The following PBX3 variants were observed in gnomAD, a reference collection of about 807,000 sequenced individuals.
PBX3 encodes PBX homeobox 3.
In PBX3, 14 loss-of-function variants were observed where a neutral mutation model predicts 48.5. The observed-to-expected ratio is 0.29, with a 90% confidence interval of 0.19 to 0.45. The LOEUF (loss-of-function observed/expected upper bound fraction) is 0.45. PBX3 is among the 20% of genes least tolerant of loss of function. The pLI is 1.00. For synonymous variants in PBX3, 210 were observed against 200.3 expected (o/e 1.05, Z -0.41); for missense variants, 386 against 546.7 (o/e 0.71, Z 2.93).
intron 2 of PBX3, among the ~76,000 whole-genome samples, chr9:125,841,503 C>G (rs1157903179): frequency 1.3e-5 from 2 of 152,126 alleles, no homozygotes; most frequent in African/African-American, 4.8e-5. Flanking sequence ...GTAACTGTTG[C>G]AACAGGACAT....
intron 2 of PBX3, among the ~76,000 whole-genome samples, chr9:125,876,825 C>T (rs1489427368): frequency 1.5e-5 from 2 of 135,280 alleles, no homozygotes. Context: ...TTTTTTGAGA[C>T]GAAGGCTGGA....
At chr9:125,838,695 T>C (rs1055268510) in intron 2 of PBX3, among the ~76,000 whole-genome samples, 1 of 152,244 alleles carries the variant, frequency 6.6e-6, no homozygotes, top group Admixed American at 6.5e-5. Flanking sequence ...TGGTTTCTGC[T>C]AATGTCAAGT....
At chr9:125,858,621 C>CA (rs1554720816) in intron 2 of PBX3, among the ~76,000 whole-genome samples, 4 of 78,872 alleles carry the variant, frequency 5.1e-5, no homozygotes, top group Non-Finnish European at 8.4e-5. Flanking sequence ...GACTTTGGTC[C>CA]ATTTTTTTTT....
chr9:125,804,542 C>T (rs1838061590), intron 2 of PBX3, among the ~76,000 whole-genome samples: 1 of 152,196 alleles, frequency 6.6e-6, no homozygotes, highest in Admixed American at 6.5e-5. Context: ...AAATCTCCTT[C>T]TGTCCCATCT....
chr9:125,793,366 A>AAAAAATATATATATATATAT (rs59271982), intron 2 of PBX3, among the ~76,000 whole-genome samples: 5 of 101,976 alleles, frequency 4.9e-5, no homozygotes, highest in African/African-American at 2.1e-4. Context: ...GGAAAAAAAA[A>AAAAAATATATATATATATAT]ATATATATAT....
At chr9:125,769,747 T>A (rs59384821) in intron 2 of PBX3, among the ~76,000 whole-genome samples, 2,854 of 152,312 alleles carry the variant, frequency 0.019, 108 homozygotes, top group African/African-American at 0.065. Context: ...GATCATAGTT[T>A]TCCATACAGA....
chr9:125,892,640 T>C (rs1169365532), intron 2 of PBX3, among the ~76,000 whole-genome samples: 1 of 152,198 alleles, frequency 6.6e-6, no homozygotes, highest in Non-Finnish European at 1.5e-5. Context: ...TTCCTTTTGG[T>C]ATAAAATATG....
At chr9:125,823,995 G>C (rs1188345874) in intron 2 of PBX3, among the ~76,000 whole-genome samples, 2 of 151,548 alleles carry the variant, frequency 1.3e-5, no homozygotes, top group Non-Finnish European at 2.9e-5. Context: ...AGAATTGCTT[G>C]AACCTGGGAG....
At chr9:125,826,635 A>G in intron 2 of PBX3, among the ~76,000 whole-genome samples, 1 of 152,196 alleles carries the variant, frequency 6.6e-6, no homozygotes, top group South Asian at 2.1e-4. Flanking sequence ...TTTGAAAAAT[A>G]TAATAAAGGT....
rs1315275138 is a variant in PBX3 at position 125,819,819 on chromosome 9, T to G, written c.274+71196T>G. Among the ~76,000 whole-genome samples the G allele has an allele frequency of 2.0e-5, 3 of 152,206 alleles. No homozygotes were observed. The East Asian group carries it at 5.8e-4, about 29-fold the overall frequency. ...AATCTTTTAATACGAAAACTTAGAA[T>G]ATGAAATAGCAAAATACTACAAAAG... On this transcript the variant is annotated intron_variant, in intron 2 of 8. Coordinates refer to ENST00000373489, the MANE Select transcript of PBX3 (RefSeq NM_006195.6).
intron 5 of PBX3, among the ~76,000 whole-genome samples, chr9:125,951,341 CT>C: frequency 6.6e-6 from 1 of 152,250 alleles, no homozygotes. Context: ...TCTTGGTCTT[CT>C]GTGGTAGGAA....
chr9:125,821,035 C>T (rs1263824643), intron 2 of PBX3, among the ~76,000 whole-genome samples: 1 of 152,018 alleles, frequency 6.6e-6, no homozygotes, highest in African/African-American at 2.4e-5. Context: ...AACTTATAGC[C>T]AAAATATTGA....
chr9:125,935,719 A>G, intron 5 of PBX3, 112 bp downstream of exon 5: 1 of 1,062,806 alleles, frequency 9.4e-7, no homozygotes, highest in Non-Finnish European at 1.3e-6. Flanking sequence ...ATCAAAAAAG[A>G]TATAAGGAAA....
At chr9:125,805,671 C>T (rs142718933) in intron 2 of PBX3, among the ~76,000 whole-genome samples, 178 of 152,184 alleles carry the variant, frequency 1.2e-3, no homozygotes, top group African/African-American at 4.1e-3. Flanking sequence ...AGGAAGGAGT[C>T]AAGAATGAAT....
chr9:125,957,686 A>G (rs938244571), intron 5 of PBX3, among the ~76,000 whole-genome samples: 1 of 152,228 alleles, frequency 6.6e-6, no homozygotes, highest in Non-Finnish European at 1.5e-5. Context: ...TATTAACTAC[A>G]AAGTACTGAA....
chr9:125,864,585 A>T (rs756313443), intron 2 of PBX3, among the ~76,000 whole-genome samples: 2 of 152,206 alleles, frequency 1.3e-5, no homozygotes, highest in Non-Finnish European at 2.9e-5. Context: ...GGAAACAGGG[A>T]CAGATTATCA....
chr9:125,769,434 G>A (rs1836886011), intron 2 of PBX3, among the ~76,000 whole-genome samples: 1 of 152,180 alleles, frequency 6.6e-6, no homozygotes, highest in African/African-American at 2.4e-5. Flanking sequence ...AAATGCTTAT[G>A]TAATATAATT....
At chr9:125,888,035 CATG>C (rs1397902789) in intron 2 of PBX3, among the ~76,000 whole-genome samples, 1 of 152,048 alleles carries the variant, frequency 6.6e-6, no homozygotes, top group Non-Finnish European at 1.5e-5. Context: ...TGTTGACTTA[CATG>C]ATAAGTGTAA....
chr9:125,960,253 C>T lies in PBX3; in HGVS notation c.844-431C>T, dbSNP rs1366072608. The stretch of plus-strand genomic sequence containing the variant: ...TCTTTTCAGCAGACCAAACATGATT[C>T]TACTATACAGCTGCCAAAATTGTTC... On this transcript the variant is annotated intron_variant, in intron 5 of 8. Coordinates refer to ENST00000373489, the MANE Select transcript of PBX3 (RefSeq NM_006195.6). Among the ~76,000 whole-genome samples, 3 of 152,178 alleles carry T rather than the reference C, an allele frequency of 2.0e-5. No individual in the cohort carries two copies. The East Asian group carries it at 5.8e-4, about 29-fold the overall frequency.
Sources: gnomAD v4.1 joint callset for allele counts (sites outside exome capture counted in the v4.1 genomes callset) on GRCh38, gnomAD v4.1.1 for gene constraint, MANE v1.5 for transcripts, NCBI Gene and HGNC (gene_info 2026-07-23, HGNC 2026-07-21) for gene names.